The following SHQ1 variants were observed in gnomAD, a reference collection of about 807,000 sequenced individuals.
The protein encoded by SHQ1 is protein SHQ1 homolog.
In SHQ1, 49 loss-of-function variants were observed where a neutral mutation model predicts 53.8. The observed-to-expected ratio is 0.91, with a 90% CI of 0.72 to 1.16. The LOEUF is 1.16. Among genes scored for constraint, SHQ1 ranks in the 50% most tolerant of loss-of-function variants. SHQ1 has a pLI of 0.00. For missense variants in SHQ1, 738 were observed against 683.1 expected (o/e 1.08, Z -0.90); for synonymous variants, 243 against 251.0 (o/e 0.97, Z 0.30).
chr3:72,840,802 T>C (rs1301046800), intron 4 of SHQ1, among the ~76,000 whole-genome samples: 3 of 152,050 alleles, frequency 2.0e-5, no homozygotes, highest in Non-Finnish European at 4.4e-5. Context: ...ATGTCTAGAA[T>C]ACTGAATAAA....
chr3:72,847,521 T>A (rs1708381113), intron 1 of SHQ1, among the ~76,000 whole-genome samples: 1 of 152,012 alleles, frequency 6.6e-6, no homozygotes, highest in South Asian at 2.1e-4. Context: ...ACACTACGAG[T>A]TATCAGTGTT....
chr3:72,792,814 C>CAAAATAA, intron 10 of SHQ1, 102 bp downstream of exon 10: 1 of 282,400 alleles, frequency 3.5e-6, no homozygotes, highest in Non-Finnish European at 6.5e-6. Flanking sequence ...AAAAAAAACA[C>CAAAATAA]AACTTACTCC....
In SHQ1 at chr3:72,772,735, A is replaced by G; in HGVS notation, c.1181+20181T>C. The G allele has an allele frequency of 4.0e-6, 3 of 741,296 alleles. No homozygotes were observed. In the South Asian group the frequency reaches 4.2e-5, roughly 10 times the overall value. 45.9% of individuals were successfully genotyped at this position (741,296 alleles called of 1,614,324 possible). ...TGTAGATGGAATTCCTATTGATGCT[A>G]CTCCCGTGGATGATCTTCATGGAAT... On this transcript the variant is annotated intron_variant, in intron 10 of 10. Transcript: ENST00000325599.
intron 10 of SHQ1, among the ~76,000 whole-genome samples, chr3:72,775,752 C>T (rs1705946135): frequency 6.6e-6 from 1 of 152,094 alleles, no homozygotes; most frequent in African/African-American, 2.4e-5. Flanking sequence ...CGAAATTTTA[C>T]ACATGCCATT....
At chr3:72,819,515 G>C (rs62249863) in intron 6 of SHQ1, among the ~76,000 whole-genome samples, 33,109 of 151,826 alleles carry the variant, frequency 0.22, 3,823 homozygotes, top group Non-Finnish European at 0.24. Context: ...AATTGTACAT[G>C]AAGTCTCTTT....
chr3:72,729,919 C>T, the SHQ1 span, among the ~76,000 whole-genome samples: 3 of 152,016 alleles, frequency 2.0e-5, no homozygotes, highest in South Asian at 4.1e-4. Context: ...CCGGGGTTCA[C>T]GCCATTCTCC....
intron 9 of SHQ1, among the ~76,000 whole-genome samples, chr3:72,796,604 T>A (rs1003739802): frequency 4.2e-4 from 64 of 152,066 alleles, no homozygotes; most frequent in African/African-American, 1.5e-3. Context: ...GCAGATCACC[T>A]GAGGTCAGGA....
At chr3:72,812,321 C>T (rs1707149664) in intron 9 of SHQ1, among the ~76,000 whole-genome samples, 1 of 152,116 alleles carries the variant, frequency 6.6e-6, no homozygotes, top group Non-Finnish European at 1.5e-5. Flanking sequence ...ACTTTTCTGC[C>T]TTCTTTATTA....
At chr3:72,753,488 C>CT (rs1575673524) in intron 10 of SHQ1, 2 of 985,388 alleles carry the variant, frequency 2.0e-6, no homozygotes, top group East Asian at 2.3e-4. Flanking sequence ...CCCACAACCC[C>CT]TGCTGCCTCT....
chr3:72,848,311 C>T lies in SHQ1; in HGVS notation c.30G>A (p.Gln10=), dbSNP rs764600930. The T allele has an allele frequency of 6.2e-7, 1 of 1,614,128 alleles. No individual in the cohort carries two copies. Among genetic ancestry groups the T allele is most frequent in the East Asian group, 2.2e-5 (1 of 44,866 alleles). Residue 10 remains glutamine, a synonymous_variant, in exon 1 of 11, where the codon CAG becomes CAA. Coordinates refer to ENST00000325599, the MANE Select transcript of SHQ1 (RefSeq NM_018130.3). MLTPAFDLS[Q]DPDFLTIAIR... is the part of the protein sequence containing the mutation. ...TGGCGATAGTCAGGAAGTCCGGATC[C>T]TGGCTGAGGTCGAACGCCGGGGTCA...
chr3:72,768,825 C>T (rs1194444595), intron 10 of SHQ1, among the ~76,000 whole-genome samples: 2 of 152,200 alleles, frequency 1.3e-5, no homozygotes, highest in Non-Finnish European at 2.9e-5. Flanking sequence ...AGGTCAAATG[C>T]TGTGTGCCCC....
chr3:72,748,461 T>C (rs945012885), downstream of SHQ1, among the ~76,000 whole-genome samples: 1 of 145,426 alleles, frequency 6.9e-6, no homozygotes, highest in African/African-American at 2.6e-5. Flanking sequence ...GAGACCGAGG[T>C]GGACAGATTG....
At chr3:72,746,563 G>T (rs115067794), downstream of SHQ1, among the ~76,000 whole-genome samples, 3 of 152,110 alleles carry the variant, frequency 2.0e-5, no homozygotes, top group African/African-American at 7.2e-5. Context: ...CTGCCGACAC[G>T]GACTCTGAAA....
chr3:72,812,691 G>A lies in SHQ1; in HGVS notation c.1040C>T (p.Thr347Ile). 1 of 1,613,928 alleles carries A rather than the reference G, an allele frequency of 6.2e-7. No homozygotes were observed. Among genetic ancestry groups the A allele is most frequent in the Non-Finnish European group, 8.5e-7 (1 of 1,179,972 alleles). ...FKLVMKAYRD[T>I]IKILQLGKSA... The stretch of plus-strand genomic sequence containing the variant: ...CTTACCCAGTTGCAATATCTTTATA[G>A]TGTCCCTGTAGGCCTTCATCACCAG... Residue 347 changes from threonine to isoleucine, a missense_variant, in exon 9 of 11, where the codon ACT becomes ATT. By Grantham distance (89) the Thr-to-Ile change is moderately conservative. Transcript: ENST00000325599.
intron 4 of SHQ1, among the ~76,000 whole-genome samples, chr3:72,832,983 T>C (rs1707867891): frequency 6.6e-6 from 1 of 152,154 alleles, no homozygotes; most frequent in Admixed American, 6.5e-5. Context: ...GTGTTTTGGA[T>C]CTTGAATATT....
intron 6 of SHQ1, among the ~76,000 whole-genome samples, 160 bp downstream of exon 6, chr3:72,824,264 G>C (rs771220786): frequency 6.6e-6 from 1 of 151,754 alleles, no homozygotes; most frequent in Non-Finnish European, 1.5e-5. Context: ...GCATTTTCCA[G>C]TCAGGGGCAA....
chr3:72,814,199 T>G (rs1707231908), intron 8 of SHQ1, among the ~76,000 whole-genome samples: 1 of 152,224 alleles, frequency 6.6e-6, no homozygotes, highest in South Asian at 2.1e-4. Context: ...AGGTGAATTT[T>G]CATGTAGATT....
At chr3:72,836,446 G>A (rs1490220413) in intron 4 of SHQ1, among the ~76,000 whole-genome samples, 4 of 151,710 alleles carry the variant, frequency 2.6e-5, no homozygotes, top group Admixed American at 6.6e-5. Context: ...CTGAGATCAC[G>A]CCACTGCACT....
At chr3:72,835,341 G>A (rs1253337973) in intron 4 of SHQ1, among the ~76,000 whole-genome samples, 1 of 151,982 alleles carries the variant, frequency 6.6e-6, no homozygotes, top group Non-Finnish European at 1.5e-5. Context: ...ATTCAATAAT[G>A]TCGGTTTCCT....
Sources: allele counts gnomAD v4.1 joint callset (sites outside exome capture counted in the v4.1 genomes callset), GRCh38; gene constraint gnomAD v4.1.1; transcripts MANE v1.5; gene names NCBI Gene and HGNC (gene_info 2026-07-23, HGNC 2026-07-21).